The following EMC2 variants were observed in gnomAD, a reference collection of about 807,000 sequenced individuals.
The protein encoded by EMC2 is TPR repeat protein 35.
In EMC2, 37 loss-of-function variants were observed where a neutral mutation model predicts 51.6. The observed-to-expected ratio is 0.72, with a 90% CI of 0.55 to 0.94. The LOEUF (loss-of-function observed/expected upper bound fraction) is 0.94. EMC2 is among the 40% of genes least tolerant of loss of function. The pLI, the probability that EMC2 is intolerant of heterozygous loss-of-function variation, is 0.00. For synonymous variants in EMC2, 131 were observed against 112.4 expected (o/e 1.17, Z -1.04); for missense variants, 359 against 350.9 (o/e 1.02, Z -0.18).
At chr8:108,457,399 GTCTATGTATTAGTCCATTTTCATGCTA>G (rs1391001708) in intron 5 of EMC2, among the ~76,000 whole-genome samples, 6 of 150,290 alleles carry the variant, frequency 4.0e-5, no homozygotes, top group South Asian at 4.2e-4. Context: ...TTTTCATGCT[GTCTATGTATTAGTCCATTTTCATGCTA>G]CTGATAAAGA....
At chr8:108,469,743 A>T (rs1810813574) in intron 5 of EMC2, 83 bp from the exon 6 acceptor site, 2 of 1,133,014 alleles carry the variant, frequency 1.8e-6, no homozygotes, top group East Asian at 4.8e-5. Context: ...CATTGAGATA[A>T]TAATTTGCAC....
chr8:108,480,407 G>A (rs1286551407), intron 10 of EMC2, among the ~76,000 whole-genome samples: 1 of 152,054 alleles, frequency 6.6e-6, no homozygotes, highest in Non-Finnish European at 1.5e-5. Context: ...GCTATTCTAT[G>A]GCCGTCTCCT....
At chr8:108,477,856 CAATA>C (rs1359498363) in intron 9 of EMC2, among the ~76,000 whole-genome samples, 1 of 151,996 alleles carries the variant, frequency 6.6e-6, no homozygotes, top group African/African-American at 2.4e-5. Flanking sequence ...TATTTTAAAT[CAATA>C]AATCCGCACA....
rs1235997264 is a variant in EMC2 at position 108,469,867 on chromosome 8, G to C, written c.405G>C (p.Gly135=). The C allele has an allele frequency of 1.1e-5, 18 of 1,613,566 alleles. No homozygotes were observed. The highest frequency in any genetic ancestry group is 1.5e-5 in the Non-Finnish European group (18 of 1,179,580). Residue 135 remains glycine (G), a synonymous_variant, in exon 6 of 11, where the codon GGG becomes GGC. Coordinates refer to ENST00000220853, the MANE Select transcript of EMC2 (RefSeq NM_014673.5). ...AGATTGCCATTCGAAAAGCCCAGGG[G>C]AAAAATGTGGAGGCCATTCGGGAGC... is the stretch of plus-strand genomic sequence containing the variant. ...KRKIAIRKAQ[G]KNVEAIRELN... is the part of the protein sequence containing the mutation.
chr8:108,472,375 A>C (rs1270077061), intron 7 of EMC2, among the ~76,000 whole-genome samples: 9 of 151,928 alleles, frequency 5.9e-5, no homozygotes, highest in Non-Finnish European at 1.2e-4. Flanking sequence ...TGTACACTTA[A>C]GAGAAATGAA....
chr8:108,455,759 A>G (rs1819135489), intron 4 of EMC2, 114 bp from the exon 5 acceptor site: 2 of 459,948 alleles, frequency 4.3e-6, no homozygotes, highest in East Asian at 4.1e-5. Flanking sequence ...TAAAGCAATT[A>G]TAAATGCATT....
chr8:108,476,361 A>C (rs62536010), intron 8 of EMC2, among the ~76,000 whole-genome samples: 3 of 151,662 alleles, frequency 2.0e-5, no homozygotes, highest in Admixed American at 6.6e-5. Context: ...TAGCAGTACA[A>C]CTGAATGCTA....
intron 10 of EMC2, among the ~76,000 whole-genome samples, chr8:108,479,788 G>T (rs1277027461): frequency 1.3e-5 from 2 of 151,968 alleles, no homozygotes; most frequent in African/African-American, 4.8e-5. Flanking sequence ...ATATAGACGA[G>T]ATCTTGCTAT....
intron 1 of EMC2, among the ~76,000 whole-genome samples, chr8:108,447,588 A>G (rs572637937): frequency 2.6e-5 from 4 of 152,194 alleles, no homozygotes; most frequent in Non-Finnish European, 4.4e-5. Context: ...AGAAATCATA[A>G]TTAAGTAGCA....
intron 5 of EMC2, among the ~76,000 whole-genome samples, chr8:108,461,098 A>G (rs954124922): frequency 4.6e-5 from 7 of 152,240 alleles, no homozygotes; most frequent in Non-Finnish European, 1.0e-4. Flanking sequence ...CACAGAAGAC[A>G]TCGCCGTTTC....
At chr8:108,476,266 A>G (rs371308872) in intron 8 of EMC2, among the ~76,000 whole-genome samples, 6 of 151,860 alleles carry the variant, frequency 4.0e-5, no homozygotes, top group African/African-American at 9.7e-5. Flanking sequence ...TATAGTGATT[A>G]TGATTGTTAA....
At chr8:108,445,039 G>C (rs1051751351) in intron 1 of EMC2, among the ~76,000 whole-genome samples, 1 of 152,038 alleles carries the variant, frequency 6.6e-6, no homozygotes, top group Non-Finnish European at 1.5e-5. Flanking sequence ...GTTCATTATA[G>C]GTTTCCTAGA....
intron 7 of EMC2, chr8:108,475,147 G>A (rs1810924892): frequency 1.3e-5 from 2 of 151,876 alleles, no homozygotes; most frequent in Admixed American, 6.6e-5. Context: ...TGTAGATAGT[G>A]AGGATAGTCA....
rs751926019 is a variant in EMC2, at chr8:108,443,711, G to C, written c.40+13G>C. 2 of 1,604,154 alleles carry C rather than the reference G, an allele frequency of 1.2e-6. No individual in the cohort carries two copies. Among genetic ancestry groups the C allele is most frequent in the Non-Finnish European group, 8.5e-7 (1 of 1,174,790 alleles). ...GTCACTTGGGAAGGTAACTTCGGGT[G>C]GGGGCGGGTGCGGAAAGACTAAAAG... On this transcript the variant is annotated intron_variant, in intron 1 of 10. Transcript: ENST00000220853.
chr8:108,453,548 AT>A (rs984079027), intron 4 of EMC2, among the ~76,000 whole-genome samples: 29 of 144,824 alleles, frequency 2.0e-4, no homozygotes, highest in Admixed American at 2.7e-4. Flanking sequence ...TCAGTTTATC[AT>A]TTTTTTTTTA....
chr8:108,485,289 T>C (rs1432426179), intron 10 of EMC2, among the ~76,000 whole-genome samples: 1 of 151,390 alleles, frequency 6.6e-6, no homozygotes, highest in Non-Finnish European at 1.5e-5. Context: ...GCATTGTTAC[T>C]TGAAGAAATG....
intron 10 of EMC2, among the ~76,000 whole-genome samples, chr8:108,483,993 T>A (rs562201612): frequency 5.3e-5 from 8 of 152,170 alleles, no homozygotes; most frequent in Non-Finnish European, 1.0e-4. Flanking sequence ...TTTCAAGAAC[T>A]GCTTTTCTTT....
chr8:108,469,552 T>C (rs1810809019), intron 5 of EMC2, among the ~76,000 whole-genome samples: 1 of 152,196 alleles, frequency 6.6e-6, no homozygotes, highest in African/African-American at 2.4e-5. Flanking sequence ...GATTCCCTGC[T>C]GGTTAATAAT....
At chr8:108,455,790 A>T in intron 4 of EMC2, 83 bp from the exon 5 acceptor site, 1 of 533,142 alleles carries the variant, frequency 1.9e-6, no homozygotes. Flanking sequence ...TATTAAAGCC[A>T]GTTTAATTTT....
Sources: allele counts gnomAD v4.1 joint callset (sites outside exome capture counted in the v4.1 genomes callset), GRCh38; gene constraint gnomAD v4.1.1; transcripts MANE v1.5; gene names NCBI Gene and HGNC (gene_info 2026-07-23, HGNC 2026-07-21).